XRCC4: variants seen among roughly 807,000 people sequenced by gnomAD.
XRCC4 encodes DNA repair protein XRCC4.
XRCC4 carries 28 observed loss-of-function variants against 39.1 expected under a neutral mutation model. The ratio of observed to expected loss-of-function variants is 0.72; its 90% CI spans 0.53 to 0.98. The LOEUF (loss-of-function observed/expected upper bound fraction) is 0.98, where lower values mean the gene tolerates loss of function less well. Ranked by LOEUF, XRCC4 falls within the 50% of genes least tolerant of loss-of-function variation. XRCC4 has a pLI of 0.00. For synonymous variants in XRCC4, 123 were observed against 126.4 expected, an observed-to-expected ratio of 0.97 and a Z score of 0.18; for missense variants, 350 against 376.4, an observed-to-expected ratio of 0.93 and a Z score of 0.58.
intron 7 of XRCC4, among the ~76,000 whole-genome samples, chr5:83,289,077 A>G (rs151088537): frequency 6.0e-4 from 91 of 151,930 alleles, no homozygotes; most frequent in African/African-American, 2.1e-3. Context: ...AAGGTATTCT[A>G]CATTTCTGTT....
At chr5:83,337,737 A>G (rs1756636004) in intron 7 of XRCC4, among the ~76,000 whole-genome samples, 1 of 152,222 alleles carries the variant, frequency 6.6e-6, no homozygotes, top group African/African-American at 2.4e-5. Context: ...TCTTTATTTT[A>G]TGCCACTAAG....
intron 7 of XRCC4, among the ~76,000 whole-genome samples, chr5:83,292,205 T>A (rs1324956453): frequency 6.6e-6 from 1 of 152,024 alleles, no homozygotes; most frequent in Middle Eastern, 3.4e-3. Context: ...CTTCACAGGC[T>A]ATAGCCCTTG....
intron 6 of XRCC4, among the ~76,000 whole-genome samples, chr5:83,227,611 G>T (rs1325568316): frequency 6.6e-6 from 1 of 151,892 alleles, no homozygotes; most frequent in African/African-American, 2.4e-5. Flanking sequence ...TCTCCGGTTG[G>T]TATTATTTCA....
intron 7 of XRCC4, among the ~76,000 whole-genome samples, chr5:83,340,628 A>AC (rs1561483271): frequency 4.6e-5 from 7 of 152,050 alleles, no homozygotes; most frequent in South Asian, 4.2e-4. Context: ...TAAAAAAAAA[A>AC]AACAACAAAA....
intron 7 of XRCC4, among the ~76,000 whole-genome samples, chr5:83,305,738 C>T (rs1363681498): frequency 2.6e-5 from 4 of 152,104 alleles, no homozygotes; most frequent in African/African-American, 9.7e-5. Flanking sequence ...TCTCCTGACC[C>T]AGCTCCATGG....
Position 83,306,982 on chromosome 5 carries a change from A to C in XRCC4, c.894-46149A>C, listed in dbSNP as rs1755512857. Among the ~76,000 whole-genome samples the C allele has an allele frequency of 2.6e-5, 4 of 152,204 alleles. No homozygotes were observed. The South Asian group carries it at 8.3e-4, about 32-fold the overall frequency. Reference sequence around the variant, plus strand: ...GTCATACCTTATTTCCATGGGAATAAGTAGTCTGAGTTGGTTGTGCTTGGG... The same window carrying C: ...GTCATACCTTATTTCCATGGGAATACGTAGTCTGAGTTGGTTGTGCTTGGG... On this transcript the variant is annotated intron_variant, in intron 7 of 7. Coordinates refer to ENST00000396027, the MANE Select transcript of XRCC4 (RefSeq NM_003401.5).
At chr5:83,296,136 G>T (rs1005788619) in intron 7 of XRCC4, among the ~76,000 whole-genome samples, 1 of 152,040 alleles carries the variant, frequency 6.6e-6, no homozygotes, top group Non-Finnish European at 1.5e-5. Context: ...CACAACCAGA[G>T]ATATTTAACA....
chr5:83,232,792 G>T (rs1248517839), intron 6 of XRCC4, among the ~76,000 whole-genome samples: 1 of 152,066 alleles, frequency 6.6e-6, no homozygotes, highest in Admixed American at 6.6e-5. Context: ...TTGACTTTAT[G>T]CTGTTATTTT....
chr5:83,202,076 A>G (rs1003876891), intron 4 of XRCC4: 15 of 151,754 alleles, frequency 9.9e-5, no homozygotes, highest in African/African-American at 2.9e-4. Context: ...TGCCATATCA[A>G]TGCCTGGCTC....
chr5:83,082,397 C>T (rs1223484317), intron 1 of XRCC4, among the ~76,000 whole-genome samples: 1 of 152,034 alleles, frequency 6.6e-6, no homozygotes, highest in Non-Finnish European at 1.5e-5. Flanking sequence ...GTGTTGGTTT[C>T]CTGGTTTTGA....
chr5:83,297,395 T>C (rs1006737386), intron 7 of XRCC4, among the ~76,000 whole-genome samples: 2 of 151,990 alleles, frequency 1.3e-5, no homozygotes, highest in African/African-American at 4.8e-5. Context: ...ATATGAGGAT[T>C]GTAGAGAAGT....
intron 3 of XRCC4, among the ~76,000 whole-genome samples, chr5:83,138,330 T>C (rs1748000323): frequency 6.6e-6 from 1 of 152,196 alleles, no homozygotes; most frequent in Non-Finnish European, 1.5e-5. Context: ...TTATAACCTT[T>C]ATAACCTTTT....
At chr5:83,353,080 TA>T in intron 7 of XRCC4, 50 bp from the exon 8 acceptor site, 1 of 1,435,790 alleles carries the variant, frequency 7.0e-7, no homozygotes, top group Non-Finnish European at 9.5e-7. Context: ...TTTTACTCTA[TA>T]ACAGAAGTTT....
rs116341952 is a variant in XRCC4 at position 83,271,257 on chromosome 5, G to A, written c.893+12580G>A. ...TTATAATGATAAGGAATTGAATCCA[G>A]CAACTCATTCATTCTGAATGTTTGG... On this transcript the variant is annotated intron_variant, in intron 7 of 7. Transcript: ENST00000396027. Among the ~76,000 whole-genome samples the A allele has an allele frequency of 3.7e-3, 556 of 152,172 alleles. 6 individuals are homozygous for A. The highest frequency in any genetic ancestry group is 0.013 in the African/African-American group (539 of 41,494).
chr5:83,206,855 A>G (rs1416298659), intron 6 of XRCC4, among the ~76,000 whole-genome samples: 1 of 152,092 alleles, frequency 6.6e-6, no homozygotes, highest in Non-Finnish European at 1.5e-5. Flanking sequence ...GTCACTCCCC[A>G]TAATGACAGG....
intron 3 of XRCC4, among the ~76,000 whole-genome samples, chr5:83,157,911 G>A (rs541636547): frequency 5.3e-5 from 8 of 152,068 alleles, no homozygotes; most frequent in African/African-American, 1.4e-4. Context: ...AAATACTTTG[G>A]TTATTCAGTT....
intron 1 of XRCC4, among the ~76,000 whole-genome samples, chr5:83,081,908 TC>T (rs1426337212): frequency 5.3e-5 from 8 of 152,290 alleles, no homozygotes; most frequent in African/African-American, 1.9e-4. Flanking sequence ...ACTCCTTTCC[TC>T]CCAAACCTTT....
chr5:83,195,655 G>GT, intron 3 of XRCC4, 115 bp from the exon 4 acceptor site: 2 of 1,009,772 alleles, frequency 2.0e-6, no homozygotes, highest in Non-Finnish European at 2.7e-6. Context: ...TAAATGCATT[G>GT]TATTTAAATC....
intron 3 of XRCC4, among the ~76,000 whole-genome samples, chr5:83,113,366 C>T (rs1276042213): frequency 2.6e-5 from 4 of 152,194 alleles, no homozygotes; most frequent in Non-Finnish European, 5.9e-5. Flanking sequence ...CAGCTCCCTT[C>T]CTGGCTGCTT....
Sources: gnomAD v4.1 joint callset for allele counts (sites outside exome capture counted in the v4.1 genomes callset) on GRCh38, gnomAD v4.1.1 for gene constraint, MANE v1.5 for transcripts, NCBI Gene and HGNC (gene_info 2026-07-23, HGNC 2026-07-21) for gene names.